TOP1MT: variants seen among roughly 807,000 people sequenced by gnomAD.
TOP1MT encodes DNA topoisomerase I, mitochondrial.
A neutral mutation model predicts 73.9 loss-of-function variants in TOP1MT; 80 were observed. The ratio of observed to expected loss-of-function variants is 1.08; its 90% CI spans 0.90 to 1.30. The LOEUF (loss-of-function observed/expected upper bound fraction) is 1.30, where lower values mean the gene tolerates loss of function less well. Among genes scored for constraint, TOP1MT ranks in the 50% most tolerant of loss-of-function variants. The pLI is 0.00. For synonymous variants in TOP1MT, 338 were observed against 326.4 expected, an observed-to-expected ratio of 1.04 and a Z score of -0.38; for missense variants, 815 against 808.0, an observed-to-expected ratio of 1.01 and a Z score of -0.10.
chr8:143,357,851 G>A (rs1028540762), upstream of TOP1MT, among the ~76,000 whole-genome samples: 1 of 151,834 alleles, frequency 6.6e-6, no homozygotes, highest in African/African-American at 2.4e-5. Context: ...AAACTGGGAG[G>A]CAGAGGTTGC....
intron 7 of TOP1MT, among the ~76,000 whole-genome samples, chr8:143,322,993 CG>C (rs1816550631): frequency 7.9e-6 from 1 of 126,312 alleles, no homozygotes; most frequent in Non-Finnish European, 1.6e-5. Context: ...CACACACGCA[CG>C]CCACACACAG....
intron 1 of TOP1MT, chr8:143,343,901 C>T (rs1248721564): frequency 6.5e-6 from 1 of 153,044 alleles, no homozygotes; most frequent in African/African-American, 2.4e-5. Flanking sequence ...CTCACCCACA[C>T]CTCACACTAT....
At chr8:143,359,517 G>A (rs1217761938), upstream of TOP1MT, 1 of 786,108 alleles carries the variant, frequency 1.3e-6, no homozygotes, top group African/African-American at 1.9e-5. Flanking sequence ...AGAAAGTCAG[G>A]AGCCAAGGGA....
At chr8:143,314,666 C>G (rs1156467496) in intron 12 of TOP1MT, among the ~76,000 whole-genome samples, 7 of 151,788 alleles carry the variant, frequency 4.6e-5, no homozygotes, top group Middle Eastern at 7.0e-3. Flanking sequence ...GCGTCTGAAG[C>G]TGCCACATCT....
At chr8:143,319,442 G>C (rs1005361015) in intron 8 of TOP1MT, among the ~76,000 whole-genome samples, 31 of 152,086 alleles carry the variant, frequency 2.0e-4, no homozygotes, top group African/African-American at 7.5e-4. Flanking sequence ...CTACAGGTGT[G>C]GGCCTTGCGC....
chr8:143,314,868 C>A (rs1457611666), intron 12 of TOP1MT, among the ~76,000 whole-genome samples: 2 of 152,162 alleles, frequency 1.3e-5, no homozygotes, highest in South Asian at 4.1e-4. Context: ...CCTCGCTCTA[C>A]AATCATAGCC....
In TOP1MT at chr8:143,324,445, C is replaced by A. The variant is rs1217770680; in HGVS notation, c.816+40G>T. The A allele has an allele frequency of 9.3e-6, 15 of 1,612,870 alleles. No homozygotes were observed. In the East Asian group the frequency reaches 3.1e-4, roughly 34 times the overall value. On this transcript the variant is annotated intron_variant, in intron 6 of 13. Transcript: ENST00000329245. Reference sequence around the variant, plus strand: ...CTCCCTGCCGGCGTCCTCAGGGGGACCTCCTGGGGAGGAAACACCCTGCCA... The same window carrying A: ...CTCCCTGCCGGCGTCCTCAGGGGGAACTCCTGGGGAGGAAACACCCTGCCA...
chr8:143,316,925 C>G (rs75727405), intron 10 of TOP1MT, among the ~76,000 whole-genome samples: 3,150 of 152,336 alleles, frequency 0.021, 114 homozygotes, highest in African/African-American at 0.072. Context: ...CGTCTCCTCT[C>G]CTGGGGCTCT....
At chr8:143,359,706 G>A (rs1253887122), upstream of TOP1MT, among the ~76,000 whole-genome samples, 1 of 152,144 alleles carries the variant, frequency 6.6e-6, no homozygotes, top group African/African-American at 2.4e-5. Flanking sequence ...GGACACGTTG[G>A]TGGCGTCGTG....
chr8:143,309,670 G>GACCT, intron 13 of TOP1MT, 127 bp from the exon 14 acceptor site: 1 of 1,528,446 alleles, frequency 6.5e-7, no homozygotes, highest in Admixed American at 2.0e-5. Flanking sequence ...GTGTAGCTGG[G>GACCT]ACCTGCTCCT....
chr8:143,329,036 C>T (rs749996263), intron 3 of TOP1MT, among the ~76,000 whole-genome samples: 3 of 152,184 alleles, frequency 2.0e-5, no homozygotes, highest in Non-Finnish European at 2.9e-5. Flanking sequence ...GACCCCTGTC[C>T]TTTCAGCGGT....
intron 10 of TOP1MT, 68 bp downstream of exon 10, chr8:143,317,655 C>A (rs567947952): frequency 4.9e-6 from 7 of 1,426,056 alleles, no homozygotes; most frequent in Middle Eastern, 4.8e-4. Flanking sequence ...AAGGGCCAGC[C>A]GGGGAGCCCG....
chr8:143,329,204 C>T, intron 3 of TOP1MT, 146 bp downstream of exon 3: 1 of 892,770 alleles, frequency 1.1e-6, no homozygotes, highest in Non-Finnish European at 1.7e-6. Flanking sequence ...GAGCTCGAAG[C>T]TGCAAAGAGC....
chr8:143,312,169 G>C lies in TOP1MT; in HGVS notation c.1554-1952C>G, dbSNP rs576449771. On this transcript the variant is annotated intron_variant, in intron 12 of 13. Transcript: ENST00000329245. The stretch of plus-strand genomic sequence containing the variant: ...CACAGCAAGACTCTCTCTTTAAAAA[G>C]GCACCAATTTTTCATAAACTTTCAT... Among the ~76,000 whole-genome samples, 28 of 152,128 alleles carry C rather than the reference G, an allele frequency of 1.8e-4. No individual in the cohort carries two copies. The South Asian group carries it at 3.1e-3, about 17-fold the overall frequency.
At chr8:143,353,942 C>T (rs552383657) in intron 1 of TOP1MT, among the ~76,000 whole-genome samples, 477 of 108,134 alleles carry the variant, frequency 4.4e-3, no homozygotes, top group Middle Eastern at 0.019. Flanking sequence ...CCAGCCTGGG[C>T]GACAAAGAGA....
At chr8:143,343,130 G>C (rs1230400208) in intron 2 of TOP1MT, 5 of 453,712 alleles carry the variant, frequency 1.1e-5, no homozygotes, top group Non-Finnish European at 2.2e-5. Flanking sequence ...TGTCATATCT[G>C]CAAGAATAAG....
At chr8:143,330,252 C>T (rs565016416) in intron 2 of TOP1MT, among the ~76,000 whole-genome samples, 1 of 152,334 alleles carries the variant, frequency 6.6e-6, no homozygotes, top group East Asian at 1.9e-4. Flanking sequence ...ACCACCACTC[C>T]CCGGACTGTC....
rs534104951 is a variant in TOP1MT at position 143,309,785 on chromosome 8, C to T, written c.1704-242G>A. The T allele has an allele frequency of 4.6e-6, 7 of 1,533,524 alleles. No homozygotes were observed. The East Asian group carries it at 9.8e-5, about 21-fold the overall frequency. 95.0% of individuals were successfully genotyped at this position (1,533,524 alleles called of 1,614,324 possible). ...GTCCACCGAGCAGGGCGCTCAGCCA[C>T]CTCCCACTCCCTGTGGGCAGGCTGA... is the stretch of plus-strand genomic sequence containing the variant. On this transcript the variant is annotated intron_variant, in intron 13 of 13. Transcript: ENST00000329245.
chr8:143,327,292 G>A (rs1349851922), intron 3 of TOP1MT: 2 of 152,502 alleles, frequency 1.3e-5, no homozygotes, highest in Middle Eastern at 3.2e-3. Context: ...GCGGGAACAG[G>A]AGACACTGAC....
Sources: gnomAD v4.1 joint callset for allele counts (sites outside exome capture counted in the v4.1 genomes callset) on GRCh38, gnomAD v4.1.1 for gene constraint, MANE v1.5 for transcripts, NCBI Gene and HGNC (gene_info 2026-07-23, HGNC 2026-07-21) for gene names.